AFAP1: variants seen among roughly 807,000 people sequenced by gnomAD.
AFAP1 encodes the protein actin filament-associated protein 1.
In AFAP1, 75 loss-of-function variants were observed where a neutral mutation model predicts 93.9. The ratio of observed to expected loss-of-function variants is 0.80; its 90% CI spans 0.66 to 0.97. The LOEUF is 0.97. AFAP1 is among the 50% of genes least tolerant of loss of function. The probability of loss-of-function intolerance (pLI) is 0.00; values close to 1 mark genes in which losing one functional copy is unlikely to be tolerated. For synonymous variants in AFAP1, 517 were observed against 430.7 expected, an observed-to-expected ratio of 1.20 and a Z score of -2.48; for missense variants, 1,201 against 1,050.8, an observed-to-expected ratio of 1.14 and a Z score of -1.98.
chr4:7,767,031 G>A (rs1714699978), intron 17 of AFAP1, among the ~76,000 whole-genome samples: 1 of 152,194 alleles, frequency 6.6e-6, no homozygotes, highest in Non-Finnish European at 1.5e-5. Context: ...CGATACACAA[G>A]TGCATTCATG....
rs560749156 is a variant in AFAP1 at position 7,873,224 on chromosome 4, C to T, written c.-2-1144G>A. Among the ~76,000 whole-genome samples the T allele has an allele frequency of 9.9e-5, 10 of 101,094 alleles. No individual in the cohort carries two copies. In the South Asian group the frequency reaches 3.7e-3, roughly 37 times the overall value. 66.3% of individuals were successfully genotyped at this position (101,094 alleles called of 152,430 possible). A position where few individuals can be genotyped will look rare whatever the true frequency, so the allele number is the denominator to read the frequency against. On this transcript the variant is annotated intron_variant, in intron 1 of 17. Transcript: ENST00000420658. ...CACCACTGCACTCCAGCCTGGGCGA[C>T]AGTGGGAGACTCTGTCTCAAAAAAA...
intron 14 of AFAP1, 33 bp downstream of exon 14, chr4:7,778,729 G>T (rs367772842): frequency 3.1e-6 from 5 of 1,597,256 alleles, no homozygotes; most frequent in Non-Finnish European, 4.3e-6. Flanking sequence ...TGCACTTGAA[G>T]CCGGAATGCA....
At chr4:7,797,124 C>G in intron 10 of AFAP1, among the ~76,000 whole-genome samples, 1 of 151,826 alleles carries the variant, frequency 6.6e-6, no homozygotes, top group Non-Finnish European at 1.5e-5. Flanking sequence ...TATAAACAAA[C>G]GAATAATTAA....
At chr4:7,885,530 G>C (rs1350135351) in intron 1 of AFAP1, among the ~76,000 whole-genome samples, 1 of 152,166 alleles carries the variant, frequency 6.6e-6, no homozygotes, top group Non-Finnish European at 1.5e-5. Context: ...TCCTCCACTA[G>C]CCAGTAGACA....
chr4:7,870,640 C>T (rs1222854602), intron 2 of AFAP1, among the ~76,000 whole-genome samples: 2 of 151,948 alleles, frequency 1.3e-5, no homozygotes, highest in African/African-American at 4.8e-5. Flanking sequence ...CTGTGTGACA[C>T]AGTGAGACCC....
At chr4:7,852,433 C>T (rs28657625) in intron 4 of AFAP1, among the ~76,000 whole-genome samples, 119,320 of 151,746 alleles carry the variant, frequency 0.79, 47,235 homozygotes, top group East Asian at 0.94. Flanking sequence ...GCTGAGGTGA[C>T]GGACCCCAAT....
At chr4:7,773,511 G>A (rs1036351610) in intron 15 of AFAP1, 1 of 156,250 alleles carries the variant, frequency 6.4e-6, no homozygotes, top group African/African-American at 2.4e-5. Flanking sequence ...AGTGACCTAA[G>A]ATGCACCCAC....
At chr4:7,879,990 T>C (rs1717751414) in intron 1 of AFAP1, among the ~76,000 whole-genome samples, 1 of 151,992 alleles carries the variant, frequency 6.6e-6, no homozygotes, top group Non-Finnish European at 1.5e-5. Flanking sequence ...ACTCAAGTGG[T>C]ATATCCCACA....
At chr4:7,915,075 G>A (rs893000057) in intron 1 of AFAP1, among the ~76,000 whole-genome samples, 4 of 152,102 alleles carry the variant, frequency 2.6e-5, no homozygotes, top group South Asian at 2.1e-4. Context: ...GTAGAGACAG[G>A]GTTTCACTAT....
intron 7 of AFAP1, 47 bp downstream of exon 7, chr4:7,819,029 T>C: frequency 1.4e-6 from 2 of 1,475,492 alleles, no homozygotes; most frequent in South Asian, 2.6e-5. Context: ...GAGACCCCAA[T>C]CCACTGCAAG....
intron 4 of AFAP1, among the ~76,000 whole-genome samples, chr4:7,851,982 C>CA (rs1206634723): frequency 2.0e-5 from 3 of 152,206 alleles, no homozygotes; most frequent in African/African-American, 7.2e-5. Context: ...ATCAAGTACA[C>CA]AATAATGGGT....
At chr4:7,861,070 T>C (rs1400920468) in intron 3 of AFAP1, among the ~76,000 whole-genome samples, 1 of 152,214 alleles carries the variant, frequency 6.6e-6, no homozygotes, top group Non-Finnish European at 1.5e-5. Context: ...GAGAAATACA[T>C]ACACCTAGGA....
intron 10 of AFAP1, chr4:7,798,988 A>T (rs905996890): frequency 3.0e-6 from 3 of 986,200 alleles, no homozygotes; most frequent in Admixed American, 1.2e-4. Flanking sequence ...TTACATCAAG[A>T]GTACAGTTTC....
intron 1 of AFAP1, among the ~76,000 whole-genome samples, chr4:7,928,127 T>C (rs1720870472): frequency 6.6e-6 from 1 of 152,188 alleles, no homozygotes; most frequent in East Asian, 1.9e-4. Flanking sequence ...GTTCCTCACG[T>C]AATAGCAATG....
chr4:7,909,751 T>A (rs1719627263), intron 1 of AFAP1, among the ~76,000 whole-genome samples: 1 of 152,210 alleles, frequency 6.6e-6, no homozygotes, highest in Non-Finnish European at 1.5e-5. Flanking sequence ...CAGAACCATC[T>A]GGGGGTTTTT....
At chr4:7,796,702 G>A (rs1718448901) in intron 10 of AFAP1, among the ~76,000 whole-genome samples, 1 of 144,742 alleles carries the variant, frequency 6.9e-6, no homozygotes, top group Non-Finnish European at 1.5e-5. Context: ...AGTGAGCTGA[G>A]ATCACACCAC....
chr4:7,923,986 C>A (rs140124284), intron 1 of AFAP1, among the ~76,000 whole-genome samples: 3 of 152,292 alleles, frequency 2.0e-5, no homozygotes, highest in Non-Finnish European at 1.5e-5. Flanking sequence ...AGAAAAGGTA[C>A]CTTATATGCA....
At chr4:7,791,134 C>T (rs877706) in intron 11 of AFAP1, among the ~76,000 whole-genome samples, 5,482 of 152,258 alleles carry the variant, frequency 0.036, 339 homozygotes, top group African/African-American at 0.12. Flanking sequence ...TCATATTAAA[C>T]GGGCACAACA....
chr4:7,883,182 T>A (rs894723534), intron 1 of AFAP1, among the ~76,000 whole-genome samples: 2 of 84,804 alleles, frequency 2.4e-5, no homozygotes, highest in Non-Finnish European at 4.2e-5. Flanking sequence ...TGAAACCCTA[T>A]CTCAAAAAAA....
Sources: gnomAD v4.1 joint callset for allele counts (sites outside exome capture counted in the v4.1 genomes callset) on GRCh38, gnomAD v4.1.1 for gene constraint, MANE v1.5 for transcripts, NCBI Gene and HGNC (gene_info 2026-07-23, HGNC 2026-07-21) for gene names.